Variants in FUT8 observed in about 807,000 individuals in gnomAD.
The protein encoded by FUT8 is fucosyltransferase 8.
A neutral mutation model predicts 71.3 loss-of-function variants in FUT8; 29 were observed. The ratio of observed to expected loss-of-function variants is 0.41; its 90% CI spans 0.30 to 0.55. The LOEUF is 0.55. FUT8 is among the 20% of genes least tolerant of loss of function. The probability of loss-of-function intolerance (pLI) is 0.34; values close to 1 mark genes in which losing one functional copy is unlikely to be tolerated. For missense variants in FUT8, 544 were observed against 702.1 expected (o/e 0.77, Z 2.55); for synonymous variants, 254 against 239.3 (o/e 1.06, Z -0.57).
At chr14:65,597,195 T>G (rs940936467) in intron 3 of FUT8, among the ~76,000 whole-genome samples, 13 of 95,332 alleles carry the variant, frequency 1.4e-4, no homozygotes, top group Non-Finnish European at 2.9e-4. Flanking sequence ...ACGGTAAGAC[T>G]CTTACTAAAG....
intron 2 of FUT8, among the ~76,000 whole-genome samples, chr14:65,537,952 C>T (rs752928501): frequency 1.1e-4 from 17 of 152,254 alleles, no homozygotes; most frequent in Middle Eastern, 3.4e-3. Flanking sequence ...TATCCTTGTT[C>T]GCATGTGCCA....
rs190402683 is a variant in FUT8, at chr14:65,611,410, A to G, written c.204-4568A>G. ...ATTTTCTTTCTTTTTTTTTTAAAGA[A>G]CCAGATTTTAGTTTTCATTGGTTTT... On this transcript the variant is annotated intron_variant, in intron 3 of 10. Transcript: ENST00000673929. 9.3e-5 allele frequency among the ~76,000 whole-genome samples: 14 copies of G among 151,238 alleles called. No homozygotes were observed. The East Asian group carries it at 1.9e-3, about 21-fold the overall frequency.
At chr14:65,591,631 A>T (rs558729005) in intron 3 of FUT8, among the ~76,000 whole-genome samples, 1 of 152,172 alleles carries the variant, frequency 6.6e-6, no homozygotes, top group South Asian at 2.1e-4. Context: ...GCAAACAGAT[A>T]ATCATTTTTT....
intron 1 of FUT8, among the ~76,000 whole-genome samples, chr14:65,426,772 A>G (rs903760199): frequency 6.6e-5 from 10 of 152,316 alleles, no homozygotes; most frequent in African/African-American, 2.4e-4. Flanking sequence ...GGCGTATTTA[A>G]ACTCCAACAG....
chr14:65,629,730 A>G (rs1764094489), intron 6 of FUT8, 124 bp downstream of exon 6: 1 of 658,166 alleles, frequency 1.5e-6, no homozygotes, highest in African/African-American at 1.8e-5. Context: ...CACACATTTT[A>G]CATATTTATT....
At chr14:65,368,189 G>T in the FUT8 span, among the ~76,000 whole-genome samples, 1 of 151,664 alleles carries the variant, frequency 6.6e-6, no homozygotes, top group Non-Finnish European at 1.5e-5. Context: ...CGGTAGCTGG[G>T]ACTACAGGCA....
intron 10 of FUT8, among the ~76,000 whole-genome samples, chr14:65,737,379 C>T (rs1014381309): frequency 4.0e-5 from 6 of 151,844 alleles, no homozygotes; most frequent in Admixed American, 2.0e-4. Context: ...TTTTCAAGTA[C>T]GTCAAGTGAA....
In FUT8 at chr14:65,660,041, C is replaced by T. The variant is rs908837110; in HGVS notation, c.598-9202C>T. Among the ~76,000 whole-genome samples the T allele has an allele frequency of 1.3e-5, 2 of 152,146 alleles. No homozygotes were observed. The highest frequency in any genetic ancestry group is 2.9e-5 in the Non-Finnish European group (2 of 68,008). ...ATAGGATTGTCAGATTCTGGCTCCT[C>T]ATGTAACTCAACTTCTGTATCCTTG... is the stretch of plus-strand genomic sequence containing the variant. On this transcript the variant is annotated intron_variant, in intron 6 of 10. Transcript: ENST00000673929. This position sits in a 1 kb window ranked among gnomAD's most constrained non-coding sequence, Gnocchi z 4.1.
intron 2 of FUT8, among the ~76,000 whole-genome samples, chr14:65,487,575 A>C (rs1443079338): frequency 6.6e-6 from 1 of 151,858 alleles, no homozygotes; most frequent in East Asian, 1.9e-4. Flanking sequence ...AAAAAAAAAA[A>C]AAAAAAAAAA....
intron 2 of FUT8, among the ~76,000 whole-genome samples, chr14:65,503,263 G>A (rs1307178774): frequency 6.6e-6 from 1 of 152,148 alleles, no homozygotes; most frequent in African/African-American, 2.4e-5. Flanking sequence ...ATATTTAAGG[G>A]AAACTGAGTA....
At chr14:65,368,200 T>C in the FUT8 span, among the ~76,000 whole-genome samples, 2 of 150,674 alleles carry the variant, frequency 1.3e-5, no homozygotes, top group Non-Finnish European at 3.0e-5. Flanking sequence ...ACTACAGGCA[T>C]GTGCCACCAC....
chr14:65,411,725 A>T (rs370834264), upstream of FUT8: 3 of 285,510 alleles, frequency 1.1e-5, no homozygotes, highest in African/African-American at 6.9e-5. Flanking sequence ...AAAGCGCCCC[A>T]GGCTTGGGAT....
intron 5 of FUT8, among the ~76,000 whole-genome samples, chr14:65,620,051 C>T (rs1314369279): frequency 1.3e-5 from 2 of 152,192 alleles, no homozygotes; most frequent in African/African-American, 4.8e-5. Context: ...AACTTAATCA[C>T]TGTTGCTCTG....
chr14:65,436,642 AAAAAG>A (rs1299509286), intron 1 of FUT8, among the ~76,000 whole-genome samples: 1 of 152,156 alleles, frequency 6.6e-6, no homozygotes, highest in Non-Finnish European at 1.5e-5. Flanking sequence ...AAAAAAAAAA[AAAAAG>A]TTTTTTTCCA....
intron 1 of FUT8, among the ~76,000 whole-genome samples, chr14:65,426,019 C>T (rs778004872): frequency 4.6e-5 from 7 of 151,790 alleles, no homozygotes; most frequent in Non-Finnish European, 1.0e-4. Flanking sequence ...TTAGTGTGTA[C>T]AATAAATATT....
chr14:65,615,906 T>A, intron 3 of FUT8, 72 bp from the exon 4 acceptor site: 1 of 1,047,532 alleles, frequency 9.5e-7, no homozygotes, highest in Non-Finnish European at 1.4e-6. Context: ...TATAAATGTT[T>A]TAGAAAGTGA....
At chr14:65,475,519 G>T (rs1220319476) in intron 2 of FUT8, among the ~76,000 whole-genome samples, 1 of 152,050 alleles carries the variant, frequency 6.6e-6, no homozygotes, top group Non-Finnish European at 1.5e-5. Flanking sequence ...GCAGAGCATT[G>T]CTTGAGGCCA....
chr14:65,374,720 AAGTAG>A, the FUT8 span, among the ~76,000 whole-genome samples: 1 of 151,636 alleles, frequency 6.6e-6, no homozygotes, highest in Non-Finnish European at 1.5e-5. Flanking sequence ...TCAGCCTCCC[AAGTAG>A]CTGGGACTAC....
intron 1 of FUT8, among the ~76,000 whole-genome samples, chr14:65,438,992 C>T (rs577703878): frequency 4.6e-5 from 7 of 152,276 alleles, no homozygotes; most frequent in South Asian, 2.1e-4. Flanking sequence ...TTCTAAAGAA[C>T]GATGTGTCCA....
Sources: allele counts gnomAD v4.1 joint callset (sites outside exome capture counted in the v4.1 genomes callset), GRCh38; gene constraint gnomAD v4.1.1; non-coding constraint Gnocchi (gnomAD v3.1); transcripts MANE v1.5; gene names NCBI Gene and HGNC (gene_info 2026-07-23, HGNC 2026-07-21).